Variants in WAPL observed in about 807,000 individuals in gnomAD.
WAPL encodes WAPL cohesin release factor, also known as wings apart-like protein homolog.
WAPL carries 5 observed loss-of-function variants against 121.0 expected under a neutral mutation model. That is an observed-to-expected ratio of 0.04 (90% CI 0.02 to 0.09). The LOEUF (loss-of-function observed/expected upper bound fraction) is 0.09. Ranked by LOEUF, WAPL falls within the 10% of genes least tolerant of loss-of-function variation. The probability of loss-of-function intolerance (pLI) is 1.00; values close to 1 mark genes in which losing one functional copy is unlikely to be tolerated. For synonymous variants in WAPL, 480 were observed against 481.5 expected, an observed-to-expected ratio of 1.00 and a Z score of 0.04; for missense variants, 999 against 1,410.8, an observed-to-expected ratio of 0.71 and a Z score of 4.68.
chr10:86,438,245 C>T (rs1849373746), intron 17 of WAPL, among the ~76,000 whole-genome samples: 1 of 141,982 alleles, frequency 7.0e-6, no homozygotes, highest in Non-Finnish European at 1.5e-5. Context: ...TATTTGTGTA[C>T]ACATTTACTT....
intron 15 of WAPL, 68 bp from the exon 16 acceptor site, chr10:86,446,517 A>C: frequency 6.8e-7 from 1 of 1,465,742 alleles, no homozygotes; most frequent in East Asian, 2.4e-5. Flanking sequence ...ATGCAAATAT[A>C]AAGTTATAGT....
Position 86,446,280 on chromosome 10 carries a change from T to C in WAPL, c.3284A>G (p.Lys1095Arg). ...AAGTTCTTCATCCTCCTCCTCCTTC[T>C]TATGTTTCTCTTCTGTACCATCAGT... The part of the protein sequence containing the change: ...EKTDGTEEKH[K>R]KEEEDEELDL... Residue 1095 changes from lysine to arginine, a missense_variant, in exon 16 of 19, where the codon AAG becomes AGG. Transcript: ENST00000298767. The C allele has an allele frequency of 6.2e-7, 1 of 1,614,174 alleles. No homozygotes were observed.
At chr10:86,488,084 GA>G in intron 4 of WAPL, among the ~76,000 whole-genome samples, 2 of 152,186 alleles carry the variant, frequency 1.3e-5, no homozygotes, top group South Asian at 4.2e-4. Context: ...GAGGATAATG[GA>G]AACCAGATTT....
In WAPL at chr10:86,437,588, G is replaced by T; in HGVS notation, c.3528C>A (p.Gly1176=). ...MNLTCAVGTT[G]QKSISRVIEY... is the part of the protein sequence containing the mutation. ...CAATCACTCTAGAGATAGATTTCTGGCCAGTTGTTCCAACAGCACACTGAA... is the reference window on the plus strand; with the variant it reads ...CAATCACTCTAGAGATAGATTTCTGTCCAGTTGTTCCAACAGCACACTGAA... The change falls in exon 19 of 19, where the codon GGC becomes GGA. Residue 1176 remains glycine (G), a synonymous_variant. Transcript: ENST00000298767. 1 of 1,613,844 alleles carries T rather than the reference G, an allele frequency of 6.2e-7. No individual in the cohort carries two copies. The highest frequency in any genetic ancestry group is 8.5e-7 in the Non-Finnish European group (1 of 1,179,934).
rs1459052231 is a variant in WAPL, at chr10:86,472,711, A to G, written c.1794T>C (p.Ala598=). ...TTATCACTTTGGATGGTGGTGCAGGAGCCTTAAAAACTCCATCATCTTTTT... is the reference window on the plus strand; with the variant it reads ...TTATCACTTTGGATGGTGGTGCAGGGGCCTTAAAAACTCCATCATCTTTTT... The part of the protein sequence containing the change: ...PNQKDDGVFK[A]PAPPSKVIKT... The change falls in exon 6 of 19, where the codon GCT becomes GCC. Residue 598 remains alanine, a synonymous_variant. Coordinates refer to ENST00000298767, the MANE Select transcript of WAPL (RefSeq NM_015045.5). This position sits in a 1 kb window ranked among gnomAD's most constrained non-coding sequence, Gnocchi z 4.2. 2.5e-6 allele frequency: 4 copies of G among 1,613,864 alleles called. No homozygotes were observed. The Admixed American group carries it at 6.7e-5, about 27-fold the overall frequency.
chr10:86,469,955 G>T (rs1841498920), intron 8 of WAPL, among the ~76,000 whole-genome samples: 1 of 152,058 alleles, frequency 6.6e-6, no homozygotes, highest in African/African-American at 2.4e-5. Context: ...CTGAACTCCT[G>T]AGCTCAAGAG....
intron 4 of WAPL, among the ~76,000 whole-genome samples, chr10:86,475,527 A>G (rs1841630615): frequency 6.6e-6 from 1 of 152,234 alleles, no homozygotes; most frequent in African/African-American, 2.4e-5. Context: ...TATCTCTAAT[A>G]AAGTGGAAAA....
chr10:86,461,084 A>G, intron 10 of WAPL, 92 bp downstream of exon 10: 1 of 1,004,720 alleles, frequency 1.0e-6, no homozygotes, highest in Non-Finnish European at 1.5e-6. Flanking sequence ...ACATTTCCAA[A>G]CTGATACAAT....
In WAPL at chr10:86,453,262, T is replaced by G. The variant is rs751215904; in HGVS notation, c.2907A>C (p.Pro969=). 2.5e-6 allele frequency: 4 copies of G among 1,614,042 alleles called. No individual in the cohort carries two copies. The highest frequency in any genetic ancestry group is 3.4e-6 in the Non-Finnish European group (4 of 1,180,024). ...ATCTCTGCTCCTGAGGTAGGTACTT[T>G]GGAACCTGAAGCACACAGTTCAGCG... The part of the protein sequence containing the change: ...GTALNCVLQV[P]KYLPQEQRFD... The change falls in exon 14 of 19, where the codon CCA becomes CCC. Residue 969 remains proline (P), a synonymous_variant. Transcript: ENST00000298767.
intron 2 of WAPL, among the ~76,000 whole-genome samples, chr10:86,508,931 A>G (rs894796806): frequency 1.3e-5 from 2 of 151,158 alleles, no homozygotes; most frequent in East Asian, 3.9e-4. Context: ...AATTTTTTGT[A>G]TTTTTAGTAG....
At chr10:86,516,972 A>AC (rs1328110465) in intron 2 of WAPL, among the ~76,000 whole-genome samples, 1 of 151,884 alleles carries the variant, frequency 6.6e-6, no homozygotes, top group Non-Finnish European at 1.5e-5. Flanking sequence ...AGTCCCAGCT[A>AC]CTCGGGAGGC....
intron 2 of WAPL, among the ~76,000 whole-genome samples, chr10:86,507,688 C>T (rs1166258211): frequency 6.6e-6 from 1 of 151,826 alleles, no homozygotes; most frequent in African/African-American, 2.4e-5. Context: ...AAATGCTTCA[C>T]TTCATAAACA....
At chr10:86,510,000 G>A (rs1328764277) in intron 2 of WAPL, among the ~76,000 whole-genome samples, 1 of 149,428 alleles carries the variant, frequency 6.7e-6, no homozygotes, top group African/African-American at 2.5e-5. Flanking sequence ...TGCTGACCTC[G>A]TGATCCGCCC....
intron 9 of WAPL, among the ~76,000 whole-genome samples, chr10:86,461,772 A>G (rs906009119): frequency 6.6e-6 from 1 of 152,190 alleles, no homozygotes; most frequent in Non-Finnish European, 1.5e-5. Flanking sequence ...GTATTTTTAC[A>G]ACGACAGTAA....
intron 2 of WAPL, among the ~76,000 whole-genome samples, chr10:86,508,905 G>A (rs918753659): frequency 2.0e-5 from 3 of 151,730 alleles, no homozygotes; most frequent in East Asian, 1.9e-4. Flanking sequence ...ACAGGCGCCC[G>A]CCACCACGCC....
At chr10:86,467,211 C>T in intron 9 of WAPL, 68 bp downstream of exon 9, 1 of 1,419,580 alleles carries the variant, frequency 7.0e-7, no homozygotes, top group South Asian at 1.2e-5. Flanking sequence ...AGTCACACAG[C>T]TACTGCAACT....
chr10:86,508,816 G>A (rs7900956), intron 2 of WAPL, among the ~76,000 whole-genome samples: 125,733 of 147,088 alleles, frequency 0.85, 54,381 homozygotes, highest in Non-Finnish European at 0.92. Context: ...GTGCAGTGGC[G>A]CGATCTCGGC....
chr10:86,485,542 CA>C (rs112633949), intron 4 of WAPL, among the ~76,000 whole-genome samples: 2 of 148,338 alleles, frequency 1.3e-5, no homozygotes, highest in South Asian at 2.1e-4. Flanking sequence ...ATATCCAAAA[CA>C]AAAAAAAAGA....
chr10:86,454,523 G>T (rs150186400), intron 12 of WAPL, among the ~76,000 whole-genome samples: 1 of 152,198 alleles, frequency 6.6e-6, no homozygotes, highest in African/African-American at 2.4e-5. Flanking sequence ...GACTGCAGGC[G>T]GGCGCCGCCA....
Sources: allele counts gnomAD v4.1 joint callset (sites outside exome capture counted in the v4.1 genomes callset), GRCh38; gene constraint gnomAD v4.1.1; non-coding constraint Gnocchi (gnomAD v3.1); transcripts MANE v1.5; gene names NCBI Gene and HGNC (gene_info 2026-07-23, HGNC 2026-07-21).